The following CHST15 variants were observed in gnomAD, a reference collection of about 807,000 sequenced individuals.
CHST15 encodes the protein B cell RAG associated protein (GALNAC4S-6ST).
Under a neutral mutation model 53.6 loss-of-function variants are expected in CHST15, and 30 were observed. The ratio of observed to expected loss-of-function variants is 0.56; its 90% CI spans 0.42 to 0.76. CHST15 has a LOEUF of 0.76. CHST15 is among the 30% of genes least tolerant of loss of function. The pLI, the probability that CHST15 is intolerant of heterozygous loss-of-function variation, is 0.00. For missense variants in CHST15, 627 were observed against 740.5 expected (o/e 0.85, Z 1.78); for synonymous variants, 296 against 289.8 (o/e 1.02, Z -0.22).
At chr10:124,067,419 G>C (rs960508337) in intron 1 of CHST15, among the ~76,000 whole-genome samples, 2 of 152,194 alleles carry the variant, frequency 1.3e-5, no homozygotes, top group Non-Finnish European at 2.9e-5. Flanking sequence ...TGAGGCACTT[G>C]AGAGATCACA....
At chr10:124,022,811 C>CTTTTTT (rs924775599) in intron 5 of CHST15, among the ~76,000 whole-genome samples, 165 of 100,414 alleles carry the variant, frequency 1.6e-3, no homozygotes, top group African/African-American at 2.2e-3. Flanking sequence ...CTTGGCATTT[C>CTTTTTT]TTTTTTTTTT....
rs1946357800 is a variant in CHST15 at position 124,009,697 on chromosome 10, A to T, written c.*452T>A. 2.0e-6 allele frequency: 2 copies of T among 1,021,392 alleles called. No individual in the cohort carries two copies. The highest frequency in any genetic ancestry group is 2.4e-6 in the Non-Finnish European group (2 of 850,742). 63.3% of individuals were successfully genotyped at this position (1,021,392 alleles called of 1,614,324 possible). A position where few individuals can be genotyped will look rare whatever the true frequency, so the allele number is the denominator to read the frequency against. On this transcript the variant is annotated 3_prime_UTR_variant, in exon 8 of 8. Coordinates refer to ENST00000435907, the MANE Select transcript of CHST15 (RefSeq NM_001270764.2). ...CAGACAGTCTGTGCAACACGGCGAG[A>T]CCCCATCTCTAGGGGGAAAAAAAGG... is the stretch of plus-strand genomic sequence containing the variant.
At chr10:124,026,217 C>T (rs1947001419) in intron 5 of CHST15, among the ~76,000 whole-genome samples, 1 of 152,196 alleles carries the variant, frequency 6.6e-6, no homozygotes, top group African/African-American at 2.4e-5. Context: ...GAGCACTTCC[C>T]TTCAGGGGAG....
At chr10:124,013,851 C>T (rs1251297072) in intron 6 of CHST15, among the ~76,000 whole-genome samples, 2 of 152,180 alleles carry the variant, frequency 1.3e-5, no homozygotes, top group African/African-American at 4.8e-5. Flanking sequence ...TCTCATCTCC[C>T]ACCTCTCCCC....
chr10:124,088,634 G>A (rs1758028621), intron 1 of CHST15, among the ~76,000 whole-genome samples: 1 of 152,172 alleles, frequency 6.6e-6, no homozygotes, highest in African/African-American at 2.4e-5. Context: ...ATGGCTGAGA[G>A]CTTGGTGTGT....
Position 124,074,124 on chromosome 10 carries a change from G to A in CHST15, c.-513+19345C>T, listed in dbSNP as rs982910066. 6.6e-6 allele frequency among the ~76,000 whole-genome samples: 1 copy of A among 152,192 alleles called. No homozygotes were observed. The highest frequency in any genetic ancestry group is 2.4e-5 in the African/African-American group (1 of 41,448). ...CAGGACAGAAGTGGGTGTGATTAGC[G>A]CAAGCTCAAGTCACGCCTGCTGCAC... On this transcript the variant is annotated intron_variant, in intron 1 of 7. Coordinates refer to ENST00000435907, the MANE Select transcript of CHST15 (RefSeq NM_001270764.2). The surrounding 1 kb of genome is among the most constrained non-coding windows in gnomAD (Gnocchi z 4.4).
chr10:124,007,815 C>A lies in CHST15; in HGVS notation c.*2334G>T, dbSNP rs1198739041. 1 of 1,232,010 alleles carries A rather than the reference C, an allele frequency of 8.1e-7. No individual in the cohort carries two copies. The highest frequency in any genetic ancestry group is 1.6e-5 in the African/African-American group (1 of 64,418). The allele number at this position is 1,232,010 out of a possible 1,614,324, so 76.3% of individuals were successfully genotyped here. ...AAGGGAGTACAATTTAACACGGTCA[C>A]AACTTTTGAGAACAAAAAGGAACTT... is the stretch of plus-strand genomic sequence containing the variant. On this transcript the variant is annotated 3_prime_UTR_variant, in exon 8 of 8. Coordinates refer to ENST00000435907, the MANE Select transcript of CHST15 (RefSeq NM_001270764.2).
At chr10:124,076,445 G>A (rs1450873942) in intron 1 of CHST15, among the ~76,000 whole-genome samples, 2 of 152,176 alleles carry the variant, frequency 1.3e-5, no homozygotes, top group African/African-American at 4.8e-5. Flanking sequence ...TCAGCTCAAC[G>A]GGCATTTCCT....
intron 4 of CHST15, among the ~76,000 whole-genome samples, chr10:124,040,898 T>C (rs1194700514): frequency 6.6e-6 from 1 of 152,274 alleles, no homozygotes; most frequent in Non-Finnish European, 1.5e-5. Flanking sequence ...AAACTGAGGC[T>C]TTCCTTTTTC....
chr10:124,061,026 C>T (rs998725219), intron 1 of CHST15, among the ~76,000 whole-genome samples: 5 of 152,270 alleles, frequency 3.3e-5, no homozygotes, highest in South Asian at 2.1e-4. Context: ...TAGGTGTAAT[C>T]GCCCCATTGT....
At chr10:124,045,136 A>AC (rs1947943621) in intron 2 of CHST15, among the ~76,000 whole-genome samples, 1 of 148,576 alleles carries the variant, frequency 6.7e-6, no homozygotes, top group African/African-American at 2.5e-5. Flanking sequence ...AAAAAAAAAA[A>AC]AAAAAAAACT....
In CHST15 at chr10:124,011,476, G is replaced by A. The variant is rs1038312629; in HGVS notation, c.1495+857C>T. ...GAGGCCCAAGTCCCAGTGGCAGGCAGATATATTTTCAGAAATACTCAATTA... is the reference window on the plus strand; with the variant it reads ...GAGGCCCAAGTCCCAGTGGCAGGCAAATATATTTTCAGAAATACTCAATTA... On this transcript the variant is annotated intron_variant, in intron 7 of 7. Transcript: ENST00000435907. 5.1e-6 allele frequency: 5 copies of A among 985,348 alleles called. No homozygotes were observed. The African/African-American group carries it at 8.7e-5, about 17-fold the overall frequency. 61.0% of individuals were successfully genotyped at this position (985,348 alleles called of 1,614,324 possible).
intron 1 of CHST15, among the ~76,000 whole-genome samples, chr10:124,091,954 C>T (rs1949612366): frequency 6.6e-6 from 1 of 151,972 alleles, no homozygotes; most frequent in Non-Finnish European, 1.5e-5. Context: ...CGGACAGCGA[C>T]GGGGAGGTCA....
Position 124,044,851 on chromosome 10 carries a change from C to T in CHST15, c.615G>A (p.Ser205=), listed in dbSNP as rs376046662. ...GGTAGGGGTCGGTGGTGTTCTGCCC[C>T]GAGAACTCCTCGTACCAACAGGGGC... ...SKSPCWYEEF[S]GQNTTDPYLT... Residue 205 remains serine, a synonymous_variant, in exon 3 of 8, where the codon TCG becomes TCA. Transcript: ENST00000435907. 70 of 1,507,032 alleles carry T rather than the reference C, an allele frequency of 4.6e-5. 2 individuals carry two copies. The South Asian group carries it at 7.9e-4, about 17-fold the overall frequency. 93.4% of individuals were successfully genotyped at this position (1,507,032 alleles called of 1,614,324 possible).
Position 124,068,177 on chromosome 10 carries a change from T to TC in CHST15, c.-512-21454dup, listed in dbSNP as rs561102378. On this transcript the variant is annotated intron_variant, in intron 1 of 7. Coordinates refer to ENST00000435907, the MANE Select transcript of CHST15 (RefSeq NM_001270764.2). ...AGAGCCAAGGGGATGGTGAAGTCAG[T>TC]CCCCACGCTGCAGTGGTTTACATGC... Among the ~76,000 whole-genome samples, 11 of 152,206 alleles carry TC rather than the reference T, an allele frequency of 7.2e-5. No homozygotes were observed. The South Asian group carries it at 2.3e-3, about 32-fold the overall frequency.
At chr10:124,043,514 C>T (rs943411113) in intron 3 of CHST15, among the ~76,000 whole-genome samples, 3 of 152,218 alleles carry the variant, frequency 2.0e-5, no homozygotes, top group African/African-American at 4.8e-5. Flanking sequence ...TCTAGTCAAC[C>T]TGAGTCCATT....
intron 1 of CHST15, among the ~76,000 whole-genome samples, chr10:124,086,196 C>G (rs975753459): frequency 3.3e-5 from 5 of 152,220 alleles, no homozygotes; most frequent in African/African-American, 1.2e-4. Flanking sequence ...AGATTATTTC[C>G]TACAGCAGAC....
intron 1 of CHST15, among the ~76,000 whole-genome samples, chr10:124,053,567 C>T (rs1349156347): frequency 1.3e-5 from 2 of 151,330 alleles, no homozygotes; most frequent in Admixed American, 6.6e-5. Flanking sequence ...GATCTCTACT[C>T]ACTGCAACCT....
intron 1 of CHST15, among the ~76,000 whole-genome samples, chr10:124,080,721 C>T (rs1313581725): frequency 6.6e-6 from 1 of 152,234 alleles, no homozygotes; most frequent in Non-Finnish European, 1.5e-5. Context: ...GGGCAAGTCA[C>T]TGACTTCTGC....
Sources: allele counts gnomAD v4.1 joint callset (sites outside exome capture counted in the v4.1 genomes callset), GRCh38; gene constraint gnomAD v4.1.1; non-coding constraint Gnocchi (gnomAD v3.1); transcripts MANE v1.5; gene names NCBI Gene and HGNC (gene_info 2026-07-23, HGNC 2026-07-21).